Variants in KAZN observed in about 807,000 individuals in gnomAD.
The protein encoded by KAZN is kazrin, periplakin interacting protein, also known as kazrin.
A neutral mutation model predicts 87.4 loss-of-function variants in KAZN; 40 were observed. The observed-to-expected ratio is 0.46, with a 90% CI of 0.36 to 0.60. The LOEUF is 0.60. KAZN is among the 20% of genes least tolerant of loss of function. The pLI is 0.00. For synonymous variants in KAZN, 466 were observed against 458.3 expected (o/e 1.02, Z -0.22); for missense variants, 898 against 1,073.9 (o/e 0.84, Z 2.29).
At chr1:14,830,183 T>C (rs1647013641) in intron 1 of KAZN, among the ~76,000 whole-genome samples, 1 of 152,200 alleles carries the variant, frequency 6.6e-6, no homozygotes, top group Non-Finnish European at 1.5e-5. Context: ...TCTCTCTTTT[T>C]CTAGACTCTT....
intron 1 of KAZN, among the ~76,000 whole-genome samples, chr1:14,161,891 C>T (rs943965831): frequency 1.3e-5 from 2 of 152,174 alleles, no homozygotes; most frequent in Admixed American, 1.3e-4. Context: ...CTATTTTTCT[C>T]AATCTAAAGA....
At chr1:14,655,906 T>C (rs1409520030) in intron 1 of KAZN, among the ~76,000 whole-genome samples, 4 of 152,016 alleles carry the variant, frequency 2.6e-5, no homozygotes, top group Non-Finnish European at 4.4e-5. Flanking sequence ...TTACATACAG[T>C]GGAGAGAGCC....
At chr1:14,886,705 C>T (rs964393319) in intron 1 of KAZN, among the ~76,000 whole-genome samples, 4 of 152,088 alleles carry the variant, frequency 2.6e-5, no homozygotes, top group East Asian at 3.9e-4. Context: ...GCGGGAGAAT[C>T]GCTTGAACCC....
At chr1:14,449,950 A>G (rs917353025) in intron 2 of KAZN, among the ~76,000 whole-genome samples, 4 of 152,182 alleles carry the variant, frequency 2.6e-5, no homozygotes, top group Non-Finnish European at 4.4e-5. Flanking sequence ...TCATGGTAAA[A>G]GGAATTTTAC....
intron 2 of KAZN, among the ~76,000 whole-genome samples, chr1:14,242,941 C>A (rs1649111638): frequency 6.6e-6 from 1 of 152,160 alleles, no homozygotes; most frequent in African/African-American, 2.4e-5. Context: ...ACAGGTCATA[C>A]AAGGATACGT....
intron 1 of KAZN, among the ~76,000 whole-genome samples, chr1:13,898,118 G>T (rs550012507): frequency 2.0e-5 from 3 of 152,350 alleles, no homozygotes; most frequent in Admixed American, 2.0e-4. Flanking sequence ...GAAACATACA[G>T]GGGTTCAGCT....
intron 1 of KAZN, among the ~76,000 whole-genome samples, chr1:14,906,831 C>A (rs997759493): frequency 1.3e-5 from 2 of 150,834 alleles, no homozygotes; most frequent in Non-Finnish European, 2.9e-5. Context: ...TTCAATTTGG[C>A]GGGCCCTCTG....
chr1:14,328,628 G>A (rs1040390274), intron 2 of KAZN, among the ~76,000 whole-genome samples: 10 of 151,608 alleles, frequency 6.6e-5, no homozygotes, highest in South Asian at 4.2e-4. Flanking sequence ...GTGTGAACCC[G>A]AGACGTGGAG....
At chr1:14,055,295 G>T (rs1017318114) in intron 1 of KAZN, among the ~76,000 whole-genome samples, 1 of 152,324 alleles carries the variant, frequency 6.6e-6, no homozygotes, top group African/African-American at 2.4e-5. Context: ...CACATAATAA[G>T]TACTCAATAA....
At chr1:14,235,382 A>G (rs989983975) in intron 2 of KAZN, among the ~76,000 whole-genome samples, 1 of 152,240 alleles carries the variant, frequency 6.6e-6, no homozygotes, top group African/African-American at 2.4e-5. Flanking sequence ...GTATTATATG[A>G]TTTCATTTAT....
intron 2 of KAZN, among the ~76,000 whole-genome samples, chr1:14,589,305 A>C: frequency 6.8e-6 from 1 of 147,538 alleles, no homozygotes; most frequent in African/African-American, 2.6e-5. Context: ...ATTGCTTTAC[A>C]CCTCCTCAGC....
At chr1:14,670,609 T>A (rs556152908) in intron 1 of KAZN, among the ~76,000 whole-genome samples, 1 of 152,312 alleles carries the variant, frequency 6.6e-6, no homozygotes, top group South Asian at 2.1e-4. Flanking sequence ...GGCCTGGGCA[T>A]CCCTACTTTG....
chr1:14,023,495 A>G (rs907876071), intron 1 of KAZN, among the ~76,000 whole-genome samples: 7 of 152,148 alleles, frequency 4.6e-5, no homozygotes, highest in African/African-American at 1.7e-4. Context: ...CAGGGGTAAC[A>G]CAGCTACAAA....
chr1:14,659,637 A>G (rs1226532327), intron 1 of KAZN, among the ~76,000 whole-genome samples: 3 of 152,216 alleles, frequency 2.0e-5, no homozygotes, highest in South Asian at 2.1e-4. Flanking sequence ...TATGTTTTCC[A>G]TAAATACAAG....
intron 2 of KAZN, among the ~76,000 whole-genome samples, chr1:14,511,752 A>G (rs1223641276): frequency 6.6e-6 from 1 of 152,256 alleles, no homozygotes; most frequent in Non-Finnish European, 1.5e-5. Context: ...GATAAATATT[A>G]AATGATCCAC....
intron 2 of KAZN, among the ~76,000 whole-genome samples, chr1:14,285,588 C>T (rs189366462): frequency 4.5e-4 from 69 of 152,276 alleles, no homozygotes; most frequent in African/African-American, 1.6e-3. Context: ...CTCTCAATGC[C>T]TACTCGCCAC....
intron 1 of KAZN, among the ~76,000 whole-genome samples, chr1:14,939,093 C>T (rs1035608444): frequency 1.3e-5 from 2 of 152,156 alleles, no homozygotes; most frequent in South Asian, 4.1e-4. Context: ...CTGCCTCAGC[C>T]TCCTGAGTAG....
chr1:14,124,026 T>G (rs1424841653), intron 1 of KAZN, among the ~76,000 whole-genome samples: 1 of 152,228 alleles, frequency 6.6e-6, no homozygotes, highest in African/African-American at 2.4e-5. Context: ...GGTAAGGGTC[T>G]ACCTTTCTAT....
At chr1:14,630,910 A>T (rs1412210090) in intron 1 of KAZN, among the ~76,000 whole-genome samples, 1 of 152,212 alleles carries the variant, frequency 6.6e-6, no homozygotes, top group Non-Finnish European at 1.5e-5. Flanking sequence ...TTGCTATAGG[A>T]TAAAGTCAAT....
Sources: allele counts gnomAD v4.1 joint callset (sites outside exome capture counted in the v4.1 genomes callset), GRCh38; gene constraint gnomAD v4.1.1; transcripts MANE v1.5; gene names NCBI Gene and HGNC (gene_info 2026-07-23, HGNC 2026-07-21).